RBFOX1: variants seen among roughly 807,000 people sequenced by gnomAD.
RBFOX1 encodes RNA binding fox-1 homolog 1, also known as RNA binding protein fox-1 homolog 1.
Under a neutral mutation model 57.7 loss-of-function variants are expected in RBFOX1, and 8 were observed. That is an observed-to-expected ratio of 0.14 (90% CI 0.08 to 0.25). RBFOX1 has a LOEUF of 0.25. Ranked by LOEUF, RBFOX1 falls within the 10% of genes least tolerant of loss-of-function variation. RBFOX1 has a pLI of 1.00. For missense variants in RBFOX1, 611 were observed against 548.5 expected, an observed-to-expected ratio of 1.11 and a Z score of -1.14; for synonymous variants, 326 against 222.4, an observed-to-expected ratio of 1.47 and a Z score of -4.15.
At chr16:7,470,184 C>T (rs926787314) in intron 4 of RBFOX1, among the ~76,000 whole-genome samples, 1 of 152,180 alleles carries the variant, frequency 6.6e-6, no homozygotes, top group Admixed American at 6.5e-5. Context: ...ACCCCAGGTG[C>T]ACCCTTGGGT....
chr16:5,603,215 A>G (rs73525611), downstream of RBFOX1, among the ~76,000 whole-genome samples: 1,769 of 152,344 alleles, frequency 0.012, 37 homozygotes, highest in African/African-American at 0.04. Context: ...TAAAATAATC[A>G]TAACAGCTAG....
At chr16:5,454,837 TTTCCTTTC>T (rs1229132899) in intron 1 of RBFOX1, among the ~76,000 whole-genome samples, 9 of 140,188 alleles carry the variant, frequency 6.4e-5, no homozygotes, top group African/African-American at 2.5e-4. Context: ...CCTTGCTTTC[TTTCCTTTC>T]TTTCTTTCTT....
At chr16:7,022,652 C>G (rs2153676816) in intron 3 of RBFOX1, among the ~76,000 whole-genome samples, 1 of 152,064 alleles carries the variant, frequency 6.6e-6, no homozygotes, top group South Asian at 2.1e-4. Flanking sequence ...TAGGCCCATC[C>G]CCGTATAGAG....
intron 14 of RBFOX1, among the ~76,000 whole-genome samples, chr16:7,685,034 T>C (rs1473925489): frequency 1.3e-5 from 2 of 152,044 alleles, no homozygotes; most frequent in African/African-American, 4.8e-5. Context: ...AAAGTGTAGT[T>C]TCCAGACCAA....
At chr16:6,562,727 C>T (rs1012531036) in intron 2 of RBFOX1, among the ~76,000 whole-genome samples, 1 of 152,104 alleles carries the variant, frequency 6.6e-6, no homozygotes, top group Non-Finnish European at 1.5e-5. Context: ...CTTTAAAACT[C>T]CTTGGAGGTT....
chr16:6,598,317 T>G (rs2097799124), intron 2 of RBFOX1, among the ~76,000 whole-genome samples: 1 of 152,238 alleles, frequency 6.6e-6, no homozygotes, highest in South Asian at 2.1e-4. Flanking sequence ...TTTAAAAGAC[T>G]GCATGTTATT....
intron 3 of RBFOX1, among the ~76,000 whole-genome samples, chr16:6,801,995 A>G (rs2085577887): frequency 6.6e-6 from 1 of 151,992 alleles, no homozygotes; most frequent in African/African-American, 2.4e-5. Flanking sequence ...TCTCGTGCTA[A>G]TCATGGAGGT....
At chr16:5,596,770 GA>G (rs2047196891) in intron 2 of RBFOX1, among the ~76,000 whole-genome samples, 2 of 152,228 alleles carry the variant, frequency 1.3e-5, no homozygotes, top group Admixed American at 1.3e-4. Flanking sequence ...TCTCTCAAAG[GA>G]GAATTGACGC....
intron 2 of RBFOX1, among the ~76,000 whole-genome samples, chr16:6,639,912 C>G (rs9927807): frequency 0.026 from 3,920 of 152,056 alleles, 174 homozygotes; most frequent in African/African-American, 0.09. Flanking sequence ...ACCAAAAAAA[C>G]AAGATTACAG....
chr16:7,036,769 G>A (rs538134618), intron 3 of RBFOX1, among the ~76,000 whole-genome samples: 2 of 151,970 alleles, frequency 1.3e-5, no homozygotes, highest in Admixed American at 6.6e-5. Flanking sequence ...GAAGTCCATA[G>A]AGTAAAGTGA....
chr16:5,662,240 C>T (rs1375933235), intron 3 of RBFOX1, among the ~76,000 whole-genome samples: 2 of 152,150 alleles, frequency 1.3e-5, no homozygotes, highest in Admixed American at 6.5e-5. Context: ...TAATGTAAAA[C>T]AGTAGTTCTG....
At chr16:5,708,725 G>A (rs1254882594) in intron 3 of RBFOX1, among the ~76,000 whole-genome samples, 1 of 152,128 alleles carries the variant, frequency 6.6e-6, no homozygotes, top group Non-Finnish European at 1.5e-5. Flanking sequence ...CACCGGCTTG[G>A]GCAATAAAAA....
rs116242972 is a variant in RBFOX1, at chr16:5,486,254, C to A, written c.258+19000C>A. Among the ~76,000 whole-genome samples, 830 of 152,294 alleles carry A rather than the reference C, an allele frequency of 5.4e-3. 9 individuals carry two copies. The highest frequency in any genetic ancestry group is 0.019 in the African/African-American group (803 of 41,566). On this transcript the variant is annotated intron_variant, in intron 2 of 2. Coordinates refer to the RBFOX1 transcript ENST00000585867. Reference sequence around the variant, plus strand: ...ATTACTTTAGGGTTCCATCAAGGGTCATCTCATGTCCTGAAACTACCCGTG... The same window carrying A: ...ATTACTTTAGGGTTCCATCAAGGGTAATCTCATGTCCTGAAACTACCCGTG...
chr16:6,500,882 T>TGTTTGTTTG (rs1355896716), intron 2 of RBFOX1, among the ~76,000 whole-genome samples: 3 of 135,220 alleles, frequency 2.2e-5, no homozygotes, highest in Non-Finnish European at 4.8e-5. Context: ...AGTAGTTTTT[T>TGTTTGTTTG]TTTTTTTTTT....
chr16:5,939,513 C>T (rs2152262782), intron 4 of RBFOX1, among the ~76,000 whole-genome samples: 1 of 152,322 alleles, frequency 6.6e-6, no homozygotes, highest in South Asian at 2.1e-4. Context: ...ACTGTCTGAG[C>T]ATCCTCACAA....
intron 4 of RBFOX1, among the ~76,000 whole-genome samples, chr16:7,226,085 A>G (rs1256481779): frequency 6.6e-6 from 1 of 151,926 alleles, no homozygotes; most frequent in Non-Finnish European, 1.5e-5. Context: ...CAAGATGCTC[A>G]CCCTCAACTC....
intron 3 of RBFOX1, among the ~76,000 whole-genome samples, chr16:6,995,895 A>G (rs2092179431): frequency 6.6e-6 from 1 of 152,222 alleles, no homozygotes; most frequent in African/African-American, 2.4e-5. Flanking sequence ...CTATGTTTGA[A>G]CCATAAATTT....
At chr16:6,901,706 A>T (rs552361848) in intron 3 of RBFOX1, among the ~76,000 whole-genome samples, 1 of 152,216 alleles carries the variant, frequency 6.6e-6, no homozygotes, top group African/African-American at 2.4e-5. Context: ...ATAATTTGTT[A>T]CATGGAAGCT....
At chr16:7,052,171 C>A in intron 4 of RBFOX1, 73 bp downstream of exon 4, 1 of 1,551,164 alleles carries the variant, frequency 6.4e-7, no homozygotes, top group Non-Finnish European at 8.7e-7. Context: ...CCTTGTCTCT[C>A]CCAAGACACG....
Sources: allele counts gnomAD v4.1 joint callset (sites outside exome capture counted in the v4.1 genomes callset), GRCh38; gene constraint gnomAD v4.1.1; transcripts MANE v1.5; gene names NCBI Gene and HGNC (gene_info 2026-07-23, HGNC 2026-07-21).